ORC3: variants seen among roughly 807,000 people sequenced by gnomAD.
ORC3 encodes origin recognition complex subunit 3.
ORC3 carries 78 observed loss-of-function variants against 100.7 expected under a neutral mutation model. The ratio of observed to expected loss-of-function variants is 0.77; its 90% confidence interval spans 0.65 to 0.94. The LOEUF (loss-of-function observed/expected upper bound fraction) is 0.94, where lower values mean the gene tolerates loss of function less well. Ranked by LOEUF, ORC3 falls within the 40% of genes least tolerant of loss-of-function variation. The probability of loss-of-function intolerance (pLI) is 0.00; values close to 1 mark genes in which losing one functional copy is unlikely to be tolerated. For missense variants in ORC3, 789 were observed against 823.9 expected (o/e 0.96, Z 0.52); for synonymous variants, 295 against 289.3 (o/e 1.02, Z -0.20).
At chr6:87,666,584 G>A (rs775566931) in intron 19 of ORC3, among the ~76,000 whole-genome samples, 36 of 151,352 alleles carry the variant, frequency 2.4e-4, no homozygotes, top group Non-Finnish European at 4.0e-4. Context: ...GATTACAGGC[G>A]CCTGCCACCA....
chr6:87,660,977 G>T (rs187649802), intron 16 of ORC3, among the ~76,000 whole-genome samples: 1 of 152,274 alleles, frequency 6.6e-6, no homozygotes, highest in Non-Finnish European at 1.5e-5. Flanking sequence ...TTTTATTTTT[G>T]CTCTGATGGT....
At position 87,610,311 on chromosome 6, in the gene ORC3, C is replaced by T. The variant is rs1174036963; in HGVS notation, c.713+1082C>T. 2.0e-5 allele frequency among the ~76,000 whole-genome samples: 3 copies of T among 151,902 alleles called. No homozygotes were observed. In the East Asian group the frequency reaches 5.8e-4, roughly 30 times the overall value. ...GCCACCTCCGCCTCCCGGGTTCAAG[C>T]AGTTCTCATGCCTCAGCCTCCCAAG... On this transcript the variant is annotated intron_variant, in intron 7 of 19. Coordinates refer to ENST00000392844, the MANE Select transcript of ORC3 (RefSeq NM_012381.4).
chr6:87,664,999 T>C (rs1357196419), intron 18 of ORC3, 140 bp downstream of exon 18: 2 of 610,038 alleles, frequency 3.3e-6, no homozygotes, highest in Non-Finnish European at 5.7e-6. Flanking sequence ...GCATAAATCA[T>C]TTCAAACTTT....
At chr6:87,668,671 C>T (rs1241497094), downstream of ORC3, among the ~76,000 whole-genome samples, 3 of 152,122 alleles carry the variant, frequency 2.0e-5, no homozygotes, top group East Asian at 5.8e-4. Flanking sequence ...CACCTCACTC[C>T]CTGCTTTAAG....
At position 87,590,167 on chromosome 6, in the gene ORC3, C is replaced by T. The variant is rs2307368; in HGVS notation, c.-2C>T. ...TCTGGAATACGCAGAGTCAGTAAGACCATGGCTACGTCCTCGATGTCTAAG... is the reference window on the plus strand; with the variant it reads ...TCTGGAATACGCAGAGTCAGTAAGATCATGGCTACGTCCTCGATGTCTAAG... On this transcript the variant is annotated 5_prime_UTR_variant, in exon 1 of 20. Transcript: ENST00000392844. 17 of 1,614,072 alleles carry T rather than the reference C, an allele frequency of 1.1e-5. No homozygotes were observed. In the South Asian group the frequency reaches 1.5e-4, roughly 15 times the overall value.
Position 87,643,784 on chromosome 6 carries a change from T to C in ORC3, c.1382+7298T>C, listed in dbSNP as rs1044684616. Among the ~76,000 whole-genome samples, 4 of 152,350 alleles carry C rather than the reference T, an allele frequency of 2.6e-5. No homozygotes were observed. In the South Asian group the frequency reaches 8.3e-4, roughly 32 times the overall value. On this transcript the variant is annotated intron_variant, in intron 13 of 19. Transcript: ENST00000392844. ...GGTTATACAGTCATCCATCACTGTC[T>C]GTGGGGGATTGGTTTTAAGAGGACA...
chr6:87,664,939 A>C, intron 18 of ORC3, 80 bp downstream of exon 18: 2 of 804,620 alleles, frequency 2.5e-6, no homozygotes, highest in Non-Finnish European at 4.1e-6. Context: ...TTATACTTTT[A>C]GTGCTTTGGA....
chr6:87,621,985 C>T lies in ORC3; in HGVS notation c.1157C>T (p.Ala386Val), dbSNP rs146416983. The T allele has an allele frequency of 1.1e-5, 18 of 1,606,892 alleles. No individual in the cohort carries two copies. The highest frequency in any genetic ancestry group is 3.3e-5 in the South Asian group (3 of 90,524). The change falls in exon 11 of 20, where the codon GCG becomes GTG. Residue 386 changes from alanine (A) to valine (V), a missense_variant. Ala to Val is a moderately conservative substitution (Grantham distance 64). Coordinates refer to ENST00000392844, the MANE Select transcript of ORC3 (RefSeq NM_012381.4). ...VEKQASEKQV[A>V]LLTNERYLKE... ...AAGCAAGCTTCAGAAAAGCAAGTTG[C>T]GCTCTTGACCAATGAGAGATATTTG...
chr6:87,636,513 A>G (rs368084537), intron 13 of ORC3, 27 bp downstream of exon 13: 3 of 1,501,562 alleles, frequency 2.0e-6, no homozygotes, highest in East Asian at 2.3e-5. Context: ...TTGTTTTTCT[A>G]TTTTTGTCTG....
intron 11 of ORC3, among the ~76,000 whole-genome samples, chr6:87,625,717 T>C (rs191446457): frequency 2.1e-3 from 324 of 152,364 alleles, no homozygotes; most frequent in African/African-American, 7.3e-3. Flanking sequence ...TTTGTCAATT[T>C]TGGCTTTTGT....
chr6:87,645,901 C>CT (rs1768728958), intron 13 of ORC3, among the ~76,000 whole-genome samples: 1 of 151,910 alleles, frequency 6.6e-6, no homozygotes, highest in African/African-American at 2.4e-5. Context: ...GACAGATTAC[C>CT]TATAAAGCTT....
At chr6:87,633,192 G>T (rs1310734987) in intron 11 of ORC3, among the ~76,000 whole-genome samples, 1 of 152,202 alleles carries the variant, frequency 6.6e-6, no homozygotes, top group African/African-American at 2.4e-5. Context: ...TGATTACTCA[G>T]TAATAGAGTT....
At chr6:87,644,746 G>C (rs1768618434) in intron 13 of ORC3, among the ~76,000 whole-genome samples, 1 of 152,066 alleles carries the variant, frequency 6.6e-6, no homozygotes, top group Non-Finnish European at 1.5e-5. Flanking sequence ...CTACTCTGGA[G>C]ACTGAGGTGG....
intron 2 of ORC3, among the ~76,000 whole-genome samples, chr6:87,599,220 C>T (rs1009344940): frequency 6.6e-6 from 1 of 152,106 alleles, no homozygotes; most frequent in Non-Finnish European, 1.5e-5. Flanking sequence ...TTTGATGCGG[C>T]ATTATTCTGC....
At chr6:87,612,020 T>A in intron 7 of ORC3, 69 bp from the exon 8 acceptor site, 1 of 1,414,788 alleles carries the variant, frequency 7.1e-7, no homozygotes, top group East Asian at 2.3e-5. Flanking sequence ...TTGTCTTATG[T>A]TGAAATATGA....
At chr6:87,634,816 A>AT (rs745898208) in intron 11 of ORC3, 29 bp from the exon 12 acceptor site, 1 of 1,042,452 alleles carries the variant, frequency 9.6e-7, no homozygotes, top group Non-Finnish European at 1.5e-6. Flanking sequence ...GCTGACTTAC[A>AT]TATTAATAAT....
intron 17 of ORC3, 97 bp from the exon 18 acceptor site, chr6:87,664,646 T>C: frequency 1.2e-6 from 1 of 867,822 alleles, no homozygotes; most frequent in South Asian, 1.4e-5. Context: ...TTCCATTTAC[T>C]GGTTTACTCA....
intron 11 of ORC3, among the ~76,000 whole-genome samples, chr6:87,634,237 TC>T (rs1294554326): frequency 1.3e-5 from 2 of 151,684 alleles, no homozygotes; most frequent in Non-Finnish European, 2.9e-5. Context: ...ATTTATTTAT[TC>T]TTTTTTTTTT....
chr6:87,599,448 A>G (rs1046076547), intron 2 of ORC3, among the ~76,000 whole-genome samples: 18 of 151,566 alleles, frequency 1.2e-4, no homozygotes, highest in Non-Finnish European at 2.5e-4. Flanking sequence ...GCTCACTGCA[A>G]CCTCTGCCTC....
Sources: allele counts gnomAD v4.1 joint callset (sites outside exome capture counted in the v4.1 genomes callset), GRCh38; gene constraint gnomAD v4.1.1; transcripts MANE v1.5; gene names NCBI Gene and HGNC (gene_info 2026-07-23, HGNC 2026-07-21).